DGKZ: variants seen among roughly 807,000 people sequenced by gnomAD.
DGKZ encodes DAG kinase zeta.
Under a neutral mutation model 142.5 loss-of-function variants are expected in DGKZ, and 45 were observed. The ratio of observed to expected loss-of-function variants is 0.32; its 90% CI spans 0.25 to 0.40. DGKZ has a LOEUF of 0.40. Among genes scored for constraint, DGKZ ranks in the 10% least tolerant of loss-of-function variants. The pLI is 1.00. For missense variants in DGKZ, 755 were observed against 1,306.5 expected, an observed-to-expected ratio of 0.58 and a Z score of 6.51; for synonymous variants, 442 against 527.0, an observed-to-expected ratio of 0.84 and a Z score of 2.21.
At chr11:46,355,209 G>C (rs1053800737) in intron 1 of DGKZ, among the ~76,000 whole-genome samples, 4 of 152,024 alleles carry the variant, frequency 2.6e-5, no homozygotes, top group Non-Finnish European at 4.4e-5. Flanking sequence ...CCCGGGTTCA[G>C]GCCATTCTCC....
At chr11:46,334,566 C>A (rs894546523) in intron 1 of DGKZ, among the ~76,000 whole-genome samples, 1 of 152,136 alleles carries the variant, frequency 6.6e-6, no homozygotes, top group African/African-American at 2.4e-5. Context: ...CATCAGGGCT[C>A]CATCACTTGG....
At chr11:46,379,687 C>T in intron 30 of DGKZ, 119 bp downstream of exon 30, 2 of 1,282,282 alleles carry the variant, frequency 1.6e-6, no homozygotes. Context: ...CCCTGGGAAA[C>T]CTGAGCCAGC....
Position 46,372,645 on chromosome 11 carries a change from C to A in DGKZ, c.1039C>A (p.Leu347Met), listed in dbSNP as rs1320942502. The change falls in exon 12 of 31, where the codon CTG becomes ATG. Residue 347 changes from leucine to methionine, a missense_variant. Leu to Met is a conservative substitution (Grantham distance 15). Transcript: ENST00000527911. The surrounding 1 kb of genome is among the most constrained non-coding windows in gnomAD (Gnocchi z 5.9). ...GGAGATGTACCGCAAAGTGCACAACCTGCGGATCCTGGCGTGCGGGGGCGA... is the reference window on the plus strand; with the variant it reads ...GGAGATGTACCGCAAAGTGCACAACATGCGGATCCTGGCGTGCGGGGGCGA... The A allele has an allele frequency of 1.2e-6, 2 of 1,613,524 alleles. No homozygotes were observed. Among genetic ancestry groups the A allele is most frequent in the African/African-American group, 2.7e-5 (2 of 74,912 alleles).
upstream of DGKZ, chr11:46,345,372 C>T: frequency 7.1e-7 from 1 of 1,401,284 alleles, no homozygotes. This position sits in a 1 kb window ranked among gnomAD's most constrained non-coding sequence, Gnocchi z 4.1. Flanking sequence ...CCACCCCCGT[C>T]AGGAAGTGCC....
In DGKZ at chr11:46,367,852, C is replaced by A; in HGVS notation, c.366+105C>A. ...CGCTCCCTGGCACCCCTGCTGTGGG[C>A]CGCCCCAGGATGGTGAGGGGTGCAG... On this transcript the variant is annotated intron_variant, in intron 3 of 30. Transcript: ENST00000527911. This position sits in a 1 kb window ranked among gnomAD's most constrained non-coding sequence, Gnocchi z 4.1. 6.5e-7 allele frequency: 1 copy of A among 1,530,748 alleles called. No individual in the cohort carries two copies. Among genetic ancestry groups the A allele is most frequent in the Non-Finnish European group, 9.0e-7 (1 of 1,109,524 alleles). The allele number at this position is 1,530,748 out of a possible 1,614,324, so 94.8% of individuals were successfully genotyped here.
intron 20 of DGKZ, 91 bp downstream of exon 20, chr11:46,375,722 T>G: frequency 6.7e-7 from 1 of 1,497,462 alleles, no homozygotes; most frequent in Non-Finnish European, 9.0e-7. Context: ...AGGGGCTGAC[T>G]GTCCCTCTGC....
At chr11:46,354,180 G>A (rs1021144794) in intron 1 of DGKZ, among the ~76,000 whole-genome samples, 4 of 152,260 alleles carry the variant, frequency 2.6e-5, no homozygotes, top group East Asian at 1.9e-4. Flanking sequence ...TAGGGGGCTG[G>A]TCTCCCTCAA....
rs763198029 is a variant in DGKZ, at chr11:46,374,886, C to A, written c.1598+47C>A. The A allele has an allele frequency of 7.0e-6, 11 of 1,582,348 alleles. No individual in the cohort carries two copies. In the East Asian group the frequency reaches 2.5e-4, roughly 36 times the overall value. Reference sequence around the variant, plus strand: ...CTGGGGGGAGCCCTGCTGTCCTTGTCCTGCAGAGACTGTGTTTTGAGGCCC... The same window carrying A: ...CTGGGGGGAGCCCTGCTGTCCTTGTACTGCAGAGACTGTGTTTTGAGGCCC... On this transcript the variant is annotated intron_variant, in intron 18 of 30. Coordinates refer to ENST00000527911, the Ensembl canonical transcript of DGKZ.
chr11:46,360,200 T>C (rs1942487237), intron 1 of DGKZ, among the ~76,000 whole-genome samples: 1 of 152,234 alleles, frequency 6.6e-6, no homozygotes, highest in Non-Finnish European at 1.5e-5. Context: ...ATGATGCCAC[T>C]CTTTTTGCTA....
chr11:46,361,175 C>T (rs1423990882), intron 1 of DGKZ, among the ~76,000 whole-genome samples: 23 of 152,206 alleles, frequency 1.5e-4, no homozygotes, highest in Admixed American at 6.5e-5. Context: ...TGTCTGGAGC[C>T]GGTGTGATTA....
rs550157005 is a variant in DGKZ at position 46,338,411 on chromosome 11, G to A, written c.212+4924G>A. ...CTCGGGAGGCTGAGGCAGGAGAATC[G>A]CTTGAACCCGGTAGGCAAAGGTTGC... On this transcript the variant is annotated intron_variant, in intron 1 of 30. Coordinates refer to the DGKZ transcript ENST00000343674. Among the ~76,000 whole-genome samples the A allele has an allele frequency of 1.2e-4, 18 of 144,086 alleles. No individual in the cohort carries two copies. In the East Asian group the frequency reaches 2.0e-3, roughly 16 times the overall value. The allele number at this position is 144,086 out of a possible 152,430, so 94.5% of individuals were successfully genotyped here.
intron 1 of DGKZ, among the ~76,000 whole-genome samples, chr11:46,335,962 C>G (rs1939992631): frequency 6.6e-6 from 1 of 152,244 alleles, no homozygotes; most frequent in South Asian, 2.1e-4. Flanking sequence ...CTCCACATGC[C>G]ACAGTTCCGT....
intron 6 of DGKZ, among the ~76,000 whole-genome samples, chr11:46,370,273 A>G (rs1465286430): frequency 6.6e-6 from 1 of 152,230 alleles, no homozygotes; most frequent in East Asian, 1.9e-4. Flanking sequence ...CCTTTGGAGA[A>G]TCGTATAGAC....
At chr11:46,351,267 C>A (rs1011128824) in intron 1 of DGKZ, among the ~76,000 whole-genome samples, 4 of 152,194 alleles carry the variant, frequency 2.6e-5, no homozygotes, top group Admixed American at 6.5e-5. Context: ...GCACCTCACA[C>A]ATGTAGACAT....
chr11:46,373,206 C>A, intron 14 of DGKZ, 105 bp downstream of exon 14: 1 of 1,281,772 alleles, frequency 7.8e-7, no homozygotes, highest in Non-Finnish European at 1.0e-6. Flanking sequence ...TTCATTTCTC[C>A]AACTTCCACT....
chr11:46,360,386 G>A (rs994052226), intron 1 of DGKZ, among the ~76,000 whole-genome samples: 2 of 151,966 alleles, frequency 1.3e-5, no homozygotes, highest in South Asian at 4.2e-4. Context: ...AATTTTGAGA[G>A]TGTAAAGGGG....
At chr11:46,334,748 G>A (rs967941524) in intron 1 of DGKZ, among the ~76,000 whole-genome samples, 5 of 152,198 alleles carry the variant, frequency 3.3e-5, no homozygotes, top group Non-Finnish European at 7.3e-5. Context: ...GCCCAGGGGA[G>A]TGCATCATCC....
At chr11:46,369,695 G>C in intron 5 of DGKZ, 145 bp downstream of exon 5, 1 of 1,131,600 alleles carries the variant, frequency 8.8e-7, no homozygotes, top group Non-Finnish European at 1.3e-6. Context: ...CCATGCGGAG[G>C]CCTAACTAGC....
At chr11:46,334,040 C>T (rs1206231030) in intron 1 of DGKZ, among the ~76,000 whole-genome samples, 1 of 152,148 alleles carries the variant, frequency 6.6e-6, no homozygotes, top group Non-Finnish European at 1.5e-5. Context: ...CCTCCCCACC[C>T]CCACCCAACA....
Sources: gnomAD v4.1 joint callset for allele counts (sites outside exome capture counted in the v4.1 genomes callset) on GRCh38, gnomAD v4.1.1 for gene constraint, Gnocchi (gnomAD v3.1) non-coding constraint, MANE v1.5 for transcripts, NCBI Gene and HGNC (gene_info 2026-07-23, HGNC 2026-07-21) for gene names.